ANTXR2: variants seen among roughly 807,000 people sequenced by gnomAD.
The protein encoded by ANTXR2 is anthrax toxin receptor 2.
Under a neutral mutation model 73.7 loss-of-function variants are expected in ANTXR2, and 44 were observed. The observed-to-expected ratio is 0.60, with a 90% confidence interval of 0.47 to 0.77. The LOEUF is 0.77. ANTXR2 is among the 30% of genes least tolerant of loss of function. The pLI is 0.00. For missense variants in ANTXR2, 604 were observed against 592.5 expected (o/e 1.02, Z -0.20); for synonymous variants, 217 against 205.9 (o/e 1.05, Z -0.46).
intron 9 of ANTXR2, among the ~76,000 whole-genome samples, chr4:80,031,957 T>C (rs1002587418): frequency 7.6e-4 from 115 of 151,872 alleles, no homozygotes; most frequent in African/African-American, 2.7e-3. Context: ...TACTATAAAA[T>C]ATATTTTCTC....
At chr4:80,057,172 C>T (rs1734039553) in intron 3 of ANTXR2, among the ~76,000 whole-genome samples, 1 of 151,756 alleles carries the variant, frequency 6.6e-6, no homozygotes, top group South Asian at 2.1e-4. Context: ...GTAAATAACA[C>T]ATGAAGAGTA....
Position 80,072,546 on chromosome 4 carries a change from C to G in ANTXR2, c.15G>C (p.Arg5=). The G allele has an allele frequency of 6.3e-7, 1 of 1,577,806 alleles. No individual in the cohort carries two copies. Among genetic ancestry groups the G allele is most frequent in the Non-Finnish European group, 8.6e-7 (1 of 1,163,504 alleles). ...AGCTCCCGGGGCTGCGGGCCGGGGA[C>G]CGCTCCGCCACCATCCTGCGGCCGG... is the stretch of plus-strand genomic sequence containing the variant. The part of the protein sequence containing the change: MVAE[R]SPARSPGSWL... The change falls in exon 1 of 17, where the codon CGG becomes CGC. Residue 5 remains arginine, a synonymous_variant. Coordinates refer to ENST00000403729, the MANE Select transcript of ANTXR2 (RefSeq NM_058172.6).
Position 80,021,256 on chromosome 4 carries a change from G to T in ANTXR2, c.867-2280C>A, listed in dbSNP as rs1732149818. On this transcript the variant is annotated intron_variant, in intron 10 of 16. Coordinates refer to ENST00000403729, the MANE Select transcript of ANTXR2 (RefSeq NM_058172.6). ...TATACTTCTGAACTATTCCAACACA[G>T]AAGGCCAAGTGGCGTATTAAGAAAG... Among the ~76,000 whole-genome samples the T allele has an allele frequency of 3.3e-5, 5 of 149,910 alleles. No homozygotes were observed. The South Asian group carries it at 1.1e-3, about 32-fold the overall frequency.
At chr4:80,056,223 C>T (rs1212959297) in intron 3 of ANTXR2, among the ~76,000 whole-genome samples, 1 of 151,866 alleles carries the variant, frequency 6.6e-6, no homozygotes, top group Non-Finnish European at 1.5e-5. Context: ...CAAAAATAGA[C>T]ATTGATGTGC....
At position 79,977,558 on chromosome 4, in the gene ANTXR2, C is replaced by T. The variant is rs1450730388; in HGVS notation, c.1428+63G>A. On this transcript the variant is annotated intron_variant, in intron 16 of 16. Transcript: ENST00000403729. ...TTAAAATCATTTTTTATTACTATTT[C>T]CCTGCCTCCATTATACTGACTCAAG... 3.3e-6 allele frequency: 5 copies of T among 1,533,068 alleles called. No homozygotes were observed. In the Admixed American group the frequency reaches 6.6e-5, roughly 20 times the overall value. 95.0% of individuals were successfully genotyped at this position (1,533,068 alleles called of 1,614,324 possible).
At chr4:79,993,306 GA>G (rs369460891) in intron 12 of ANTXR2, among the ~76,000 whole-genome samples, 192 of 150,718 alleles carry the variant, frequency 1.3e-3, no homozygotes, top group African/African-American at 2.6e-3. Context: ...AAATTAGGAG[GA>G]AAAAAAGAAG....
intron 11 of ANTXR2, among the ~76,000 whole-genome samples, chr4:80,016,205 A>G (rs1731863682): frequency 6.6e-6 from 1 of 152,236 alleles, no homozygotes; most frequent in East Asian, 1.9e-4. Flanking sequence ...TGTAGGATGA[A>G]CTCTAAATTC....
At chr4:80,035,790 T>C (rs1440214209) in intron 8 of ANTXR2, among the ~76,000 whole-genome samples, 182 bp downstream of exon 8, 1 of 152,072 alleles carries the variant, frequency 6.6e-6, no homozygotes, top group East Asian at 1.9e-4. Flanking sequence ...AACATTCCAA[T>C]CTTAAAAATT....
chr4:80,002,036 C>A (rs913773585), intron 12 of ANTXR2, among the ~76,000 whole-genome samples: 4 of 152,068 alleles, frequency 2.6e-5, no homozygotes, highest in African/African-American at 9.7e-5. Flanking sequence ...CAATGACTTT[C>A]TTCACAGAAT....
intron 12 of ANTXR2, among the ~76,000 whole-genome samples, chr4:79,996,527 T>C (rs1181528982): frequency 2.0e-5 from 3 of 151,932 alleles, no homozygotes; most frequent in Non-Finnish European, 4.4e-5. Context: ...CAAAATGGTT[T>C]TCTTGTGATG....
intron 10 of ANTXR2, among the ~76,000 whole-genome samples, chr4:80,019,377 G>C (rs573472157): frequency 6.6e-6 from 1 of 152,110 alleles, no homozygotes; most frequent in Non-Finnish European, 1.5e-5. Flanking sequence ...TCAAAAAAAA[G>C]GAAAGAGTAA....
intron 14 of ANTXR2, among the ~76,000 whole-genome samples, chr4:79,982,672 A>C (rs1423877193): frequency 2.0e-5 from 3 of 152,138 alleles, no homozygotes; most frequent in Non-Finnish European, 4.4e-5. Context: ...ACATGCAATA[A>C]CTTCTCCAAA....
At chr4:80,032,489 T>G (rs1030992017) in intron 9 of ANTXR2, among the ~76,000 whole-genome samples, 5 of 151,802 alleles carry the variant, frequency 3.3e-5, no homozygotes, top group African/African-American at 1.2e-4. Context: ...ATTGTGATCT[T>G]AATAGAAAAG....
At chr4:80,036,683 C>T (rs1732985234) in intron 7 of ANTXR2, among the ~76,000 whole-genome samples, 1 of 152,042 alleles carries the variant, frequency 6.6e-6, no homozygotes, top group Admixed American at 6.6e-5. Flanking sequence ...CGCCTGTAAT[C>T]CCAGCTACTC....
intron 6 of ANTXR2, 57 bp from the exon 7 acceptor site, chr4:80,054,409 T>C: frequency 8.2e-7 from 1 of 1,222,148 alleles, no homozygotes; most frequent in African/African-American, 1.6e-5. Flanking sequence ...CAACAATTTA[T>C]AAACTTCGTT....
At chr4:79,919,015 G>A (rs1294009441) in intron 16 of ANTXR2, among the ~76,000 whole-genome samples, 1 of 151,898 alleles carries the variant, frequency 6.6e-6, no homozygotes, top group Non-Finnish European at 1.5e-5. Context: ...TATTTCCTGA[G>A]CAAGCAATGA....
chr4:80,046,110 G>A (rs748473625), intron 7 of ANTXR2, among the ~76,000 whole-genome samples: 1 of 151,682 alleles, frequency 6.6e-6, no homozygotes, highest in Non-Finnish European at 1.5e-5. Context: ...TGTGGAAGAA[G>A]GTAAATCATA....
chr4:79,921,034 A>G (rs1463627460), intron 16 of ANTXR2, among the ~76,000 whole-genome samples: 7 of 152,248 alleles, frequency 4.6e-5, no homozygotes, highest in Admixed American at 2.6e-4. Flanking sequence ...CAGGTGGGAA[A>G]CAGTATAAAT....
At chr4:80,049,462 T>C (rs1020679420) in intron 7 of ANTXR2, among the ~76,000 whole-genome samples, 1 of 151,684 alleles carries the variant, frequency 6.6e-6, no homozygotes, top group Non-Finnish European at 1.5e-5. Flanking sequence ...AGAGAATATA[T>C]ATATGTGCTT....
Sources: gnomAD v4.1 joint callset for allele counts (sites outside exome capture counted in the v4.1 genomes callset) on GRCh38, gnomAD v4.1.1 for gene constraint, MANE v1.5 for transcripts, NCBI Gene and HGNC (gene_info 2026-07-23, HGNC 2026-07-21) for gene names.